Variants in PEX7 observed in about 807,000 individuals in gnomAD.
PEX7 encodes peroxisomal biogenesis factor 7, also known as PTS2 receptor.
Under a neutral mutation model 47.5 loss-of-function variants are expected in PEX7, and 34 were observed. That is an observed-to-expected ratio of 0.72 (90% CI 0.54 to 0.95). PEX7 has a LOEUF of 0.95. PEX7 is among the 40% of genes least tolerant of loss of function. PEX7 has a pLI of 0.00. For missense variants in PEX7, 394 were observed against 400.3 expected (o/e 0.98, Z 0.13); for synonymous variants, 141 against 148.8 (o/e 0.95, Z 0.38).
At chr6:136,849,510 A>G (rs550817885) in intron 5 of PEX7, among the ~76,000 whole-genome samples, 178 of 152,198 alleles carry the variant, frequency 1.2e-3, no homozygotes, top group Non-Finnish European at 2.0e-3. Flanking sequence ...ATTTCCCTCT[A>G]CACACTGCTT....
chr6:136,891,046 T>C (rs1220222234), intron 8 of PEX7, among the ~76,000 whole-genome samples: 1 of 152,218 alleles, frequency 6.6e-6, no homozygotes, highest in Non-Finnish European at 1.5e-5. Context: ...CAGTAAGCAA[T>C]ACACAAACCG....
chr6:136,895,842 C>T (rs1021421576), intron 8 of PEX7, among the ~76,000 whole-genome samples: 1 of 152,264 alleles, frequency 6.6e-6, no homozygotes, highest in East Asian at 1.9e-4. Flanking sequence ...CATGTATTTT[C>T]TTTGATGAAC....
At position 136,822,661 on chromosome 6, in the gene PEX7, G is replaced by T; in HGVS notation, c.-5G>T. 6.6e-7 allele frequency: 1 copy of T among 1,526,204 alleles called. No individual in the cohort carries two copies. The highest frequency in any genetic ancestry group is 8.8e-7 in the Non-Finnish European group (1 of 1,142,244). The allele number at this position is 1,526,204 out of a possible 1,614,324, so 94.5% of individuals were successfully genotyped here. ...GGGCAGCGAGGGCCGGGGGCGGCGGGCGGGATGAGTGCGGTGTGCGGTGGA... is the reference window on the plus strand; with the variant it reads ...GGGCAGCGAGGGCCGGGGGCGGCGGTCGGGATGAGTGCGGTGTGCGGTGGA... On this transcript the variant is annotated 5_prime_UTR_variant, in exon 1 of 10. Transcript: ENST00000318471.
At chr6:136,869,807 C>T in intron 6 of PEX7, 83 bp from the exon 7 acceptor site, 1 of 969,622 alleles carries the variant, frequency 1.0e-6, no homozygotes, top group Non-Finnish European at 1.7e-6. Context: ...TATCAGAAAG[C>T]AGATGTTGTT....
rs1256466654 is a variant in PEX7 at position 136,822,794 on chromosome 6, G to C, written c.129G>C (p.Ala43=). 12 of 1,317,486 alleles carry C rather than the reference G, an allele frequency of 9.1e-6. No homozygotes were observed. Among genetic ancestry groups the C allele is most frequent in the African/African-American group, 3.1e-5 (2 of 64,792 alleles). The allele number at this position is 1,317,486 out of a possible 1,614,324, so 81.6% of individuals were successfully genotyped here. The change falls in exon 1 of 10, where the codon GCG becomes GCC. Residue 43 remains alanine (A), a splice_region_variant and synonymous_variant. Coordinates refer to ENST00000318471, the MANE Select transcript of PEX7 (RefSeq NM_000288.4). ...CCACCGCGCAGCACTACGGCATCGC[G>C]GGTGAGGCGGCGCCGCGCAGCTGGG... ...ACATAQHYGI[A]GCGTLLILDP... is the part of the protein sequence containing the mutation.
intron 1 of PEX7, among the ~76,000 whole-genome samples, chr6:136,824,323 C>T (rs1266002221): frequency 6.6e-6 from 1 of 152,158 alleles, no homozygotes; most frequent in African/African-American, 2.4e-5. Context: ...GTCTCAACCT[C>T]ACCAGTAGCT....
chr6:136,910,049 T>G (rs1259157064), intron 9 of PEX7, among the ~76,000 whole-genome samples: 3 of 152,222 alleles, frequency 2.0e-5, no homozygotes, highest in Non-Finnish European at 4.4e-5. Flanking sequence ...ACTGCAAGAT[T>G]AGGCAAATAA....
intron 8 of PEX7, among the ~76,000 whole-genome samples, chr6:136,890,277 C>T (rs1456878162): frequency 6.6e-6 from 1 of 152,210 alleles, no homozygotes; most frequent in Non-Finnish European, 1.5e-5. Context: ...TCTGTGCACA[C>T]ATGTGTAAAA....
intron 5 of PEX7, among the ~76,000 whole-genome samples, chr6:136,856,770 G>A (rs1024508524): frequency 3.3e-5 from 5 of 152,148 alleles, no homozygotes; most frequent in African/African-American, 1.2e-4. Flanking sequence ...GTAGGTGGAT[G>A]GAGTCGAAGG....
chr6:136,886,807 C>T (rs1349226460), intron 8 of PEX7, among the ~76,000 whole-genome samples: 1 of 152,126 alleles, frequency 6.6e-6, no homozygotes, highest in African/African-American at 2.4e-5. Flanking sequence ...ATTCCTAGCA[C>T]TTTGGGAGGC....
chr6:136,897,330 A>G (rs1049557715), intron 8 of PEX7, among the ~76,000 whole-genome samples: 3 of 152,208 alleles, frequency 2.0e-5, no homozygotes, highest in Non-Finnish European at 2.9e-5. Context: ...TGCCATTTTT[A>G]TAGTATGTTT....
intron 8 of PEX7, among the ~76,000 whole-genome samples, chr6:136,886,066 T>A (rs1189393427): frequency 6.6e-6 from 1 of 152,180 alleles, no homozygotes; most frequent in Non-Finnish European, 1.5e-5. Flanking sequence ...CAGAAGGCTG[T>A]CTCCTTGGGC....
At chr6:136,880,523 T>C (rs2115245355) in intron 8 of PEX7, among the ~76,000 whole-genome samples, 1 of 152,342 alleles carries the variant, frequency 6.6e-6, no homozygotes, top group African/African-American at 2.4e-5. Context: ...GGCTTGCAGC[T>C]GGAACAAGGA....
At chr6:136,854,406 C>T (rs918288025) in intron 5 of PEX7, among the ~76,000 whole-genome samples, 15 of 152,164 alleles carry the variant, frequency 9.9e-5, no homozygotes, top group Non-Finnish European at 1.9e-4. Context: ...AGGCTGGTCT[C>T]GAACTCCTGA....
chr6:136,834,932 A>C (rs1409620704), intron 3 of PEX7, among the ~76,000 whole-genome samples: 2 of 151,934 alleles, frequency 1.3e-5, no homozygotes, highest in Admixed American at 6.6e-5. Context: ...TTAACTCTTT[A>C]GTTTTTTGTT....
chr6:136,856,011 G>A (rs1774856124), intron 5 of PEX7, among the ~76,000 whole-genome samples: 1 of 152,142 alleles, frequency 6.6e-6, no homozygotes, highest in Non-Finnish European at 1.5e-5. Flanking sequence ...TGTGTAGCAT[G>A]GAATACATAG....
At chr6:136,902,580 AT>A (rs1214358903) in intron 9 of PEX7, among the ~76,000 whole-genome samples, 1 of 150,164 alleles carries the variant, frequency 6.7e-6, no homozygotes, top group African/African-American at 2.5e-5. Context: ...TTCTTTGAAA[AT>A]TTTTTTTTTC....
At chr6:136,851,073 A>G (rs938365288) in intron 5 of PEX7, among the ~76,000 whole-genome samples, 1 of 101,268 alleles carries the variant, frequency 9.9e-6, no homozygotes, top group Admixed American at 1.1e-4. Flanking sequence ...ATATGTATAC[A>G]TGTGCCATGC....
chr6:136,848,273 T>A (rs989907385), intron 5 of PEX7, among the ~76,000 whole-genome samples: 2 of 152,180 alleles, frequency 1.3e-5, no homozygotes, highest in Admixed American at 6.6e-5. Flanking sequence ...AAATACACAA[T>A]CATGTCATCT....
Sources: allele counts gnomAD v4.1 joint callset (sites outside exome capture counted in the v4.1 genomes callset), GRCh38; gene constraint gnomAD v4.1.1; transcripts MANE v1.5; gene names NCBI Gene and HGNC (gene_info 2026-07-23, HGNC 2026-07-21).